The following ATP8B1 variants were observed in gnomAD, a reference collection of about 807,000 sequenced individuals.
ATP8B1 encodes the protein phospholipid-transporting ATPase IC.
In ATP8B1, 80 loss-of-function variants were observed where a neutral mutation model predicts 149.9. The observed-to-expected ratio is 0.53, with a 90% CI of 0.45 to 0.64. The LOEUF (loss-of-function observed/expected upper bound fraction) is 0.64, where lower values mean the gene tolerates loss of function less well. ATP8B1 is among the 30% of genes least tolerant of loss of function. ATP8B1 has a pLI of 0.00. For synonymous variants in ATP8B1, 536 were observed against 562.8 expected (o/e 0.95, Z 0.67); for missense variants, 1,247 against 1,552.6 (o/e 0.80, Z 3.31).
chr18:57,670,355 C>CT (rs370444079), intron 17 of ATP8B1, among the ~76,000 whole-genome samples: 25,034 of 139,628 alleles, frequency 0.18, 2,386 homozygotes, highest in Non-Finnish European at 0.22. Flanking sequence ...TTTTCTTTTT[C>CT]TTTTTTTTTT....
intron 1 of ATP8B1, among the ~76,000 whole-genome samples, chr18:57,737,406 G>A (rs550160277): frequency 2.0e-3 from 299 of 151,824 alleles, no homozygotes; most frequent in African/African-American, 7.0e-3. Flanking sequence ...CCTGAGACAT[G>A]GTTTCACTCT....
intron 14 of ATP8B1, 84 bp from the exon 15 acceptor site, chr18:57,684,276 A>C: frequency 6.9e-7 from 1 of 1,441,826 alleles, no homozygotes. Flanking sequence ...TTCAAAGGCA[A>C]GGTTTCAATT....
intron 2 of ATP8B1, among the ~76,000 whole-genome samples, chr18:57,718,367 A>C (rs2077084095): frequency 6.6e-6 from 1 of 152,190 alleles, no homozygotes; most frequent in South Asian, 2.1e-4. Flanking sequence ...GCCATAATAA[A>C]AAGTCTCTCA....
intron 1 of ATP8B1, among the ~76,000 whole-genome samples, chr18:57,734,977 A>C (rs2079832239): frequency 6.6e-6 from 1 of 152,192 alleles, no homozygotes; most frequent in Admixed American, 6.5e-5. Context: ...CAAAAACAGG[A>C]GGTAAAGAAA....
chr18:57,746,205 T>A (rs9955185), intron 1 of ATP8B1, among the ~76,000 whole-genome samples: 12,042 of 152,234 alleles, frequency 0.079, 752 homozygotes, highest in East Asian at 0.23. Flanking sequence ...ATAATAGCTA[T>A]CCACTCCCTA....
In ATP8B1 at chr18:57,737,615, A is replaced by G. The variant is rs1211336304; in HGVS notation, c.-25-5783T>C. Reference sequence around the variant, plus strand: ...GAGATAGGCTCTCCCTATGTTCCTCAGGCTGGTCTCAAACTCCGGGCCCCA... The same window carrying G: ...GAGATAGGCTCTCCCTATGTTCCTCGGGCTGGTCTCAAACTCCGGGCCCCA... On this transcript the variant is annotated intron_variant, in intron 1 of 27. Transcript: ENST00000648908. 3 of 149,510 alleles carry G rather than the reference A, an allele frequency of 2.0e-5. No individual in the cohort carries two copies. The Admixed American group carries it at 2.0e-4, about 10-fold the overall frequency. 9.3% of individuals were successfully genotyped at this position (149,510 alleles called of 1,614,324 possible). A position where few individuals can be genotyped will look rare whatever the true frequency, so the allele number is the denominator to read the frequency against.
At chr18:57,709,931 C>T (rs144390856) in intron 2 of ATP8B1, among the ~76,000 whole-genome samples, 22,961 of 151,886 alleles carry the variant, frequency 0.15, 1,887 homozygotes, top group Non-Finnish European at 0.18. Context: ...CCACCTGCCT[C>T]GACCTCCCAA....
chr18:57,740,234 G>A (rs2123203490), intron 1 of ATP8B1, among the ~76,000 whole-genome samples: 1 of 151,970 alleles, frequency 6.6e-6, no homozygotes, highest in Non-Finnish European at 1.5e-5. Flanking sequence ...GAGATTACAG[G>A]TGTAAGCCAC....
chr18:57,650,799 C>T (rs929214929), intron 26 of ATP8B1, among the ~76,000 whole-genome samples: 4 of 151,824 alleles, frequency 2.6e-5, no homozygotes, highest in South Asian at 2.1e-4. Flanking sequence ...ATTGTGCCAC[C>T]GCACTCCAGC....
chr18:57,651,721 G>A (rs748778998), intron 26 of ATP8B1, among the ~76,000 whole-genome samples: 2 of 151,506 alleles, frequency 1.3e-5, no homozygotes, highest in South Asian at 4.2e-4. Flanking sequence ...TAGCCTCAAC[G>A]TCCCAGGTCA....
chr18:57,677,482 A>AG (rs140462371), intron 15 of ATP8B1, among the ~76,000 whole-genome samples: 14 of 60,820 alleles, frequency 2.3e-4, no homozygotes, highest in Non-Finnish European at 2.2e-4. Context: ...TGAAGGCCAC[A>AG]GATGCATGAG....
intron 1 of ATP8B1, among the ~76,000 whole-genome samples, chr18:57,764,058 TTA>T (rs2123341362): frequency 6.6e-6 from 1 of 152,350 alleles, no homozygotes; most frequent in Admixed American, 6.5e-5. Context: ...TTTCCACTTA[TTA>T]TAATACTTTA....
intron 22 of ATP8B1, among the ~76,000 whole-genome samples, chr18:57,657,017 C>T (rs562985324): frequency 6.6e-6 from 1 of 152,002 alleles, no homozygotes; most frequent in South Asian, 2.1e-4. Flanking sequence ...TACAGGATAC[C>T]TGTGCAGAAC....
In ATP8B1 at chr18:57,684,180, T is replaced by C. The variant is rs781776773; in HGVS notation, c.1486A>G (p.Ser496Gly). 1.2e-5 allele frequency: 19 copies of C among 1,613,914 alleles called. No homozygotes were observed. The highest frequency in any genetic ancestry group is 1.5e-5 in the Non-Finnish European group (18 of 1,179,844). ...NHNKIEQVDF[S>G]WNTYADGKLA... ...TTCCCATCAGCATATGTATTCCAGC[T>C]AAAATCAACTTGCTGAAAGAAATGG... Residue 496 changes from serine to glycine, a missense_variant, in exon 15 of 28, where the codon AGC (serine) becomes GGC (glycine). Around this residue, in one of 3 missense-constraint regions of ATP8B1, gnomAD observed 853 missense variants for 1,035.7 expected, o/e 0.82. Transcript: ENST00000648908.
intron 15 of ATP8B1, among the ~76,000 whole-genome samples, chr18:57,679,589 C>A (rs1402735190): frequency 6.6e-6 from 1 of 152,190 alleles, no homozygotes; most frequent in Non-Finnish European, 1.5e-5. Context: ...CAACCTGATT[C>A]CCTAGCTTCA....
At chr18:57,684,907 G>T (rs925633826) in intron 14 of ATP8B1, among the ~76,000 whole-genome samples, 165 bp downstream of exon 14, 2 of 152,162 alleles carry the variant, frequency 1.3e-5, no homozygotes, top group African/African-American at 4.8e-5. Flanking sequence ...ACAGAGTTGT[G>T]TTTCCAAGTC....
chr18:57,678,988 T>G (rs1911778937), intron 15 of ATP8B1, among the ~76,000 whole-genome samples: 1 of 118,556 alleles, frequency 8.4e-6, no homozygotes, highest in African/African-American at 3.2e-5. Flanking sequence ...TCCAAGCAAT[T>G]GACCCGACTT....
At chr18:57,662,090 C>A (rs536664332) in intron 21 of ATP8B1, among the ~76,000 whole-genome samples, 1 of 152,162 alleles carries the variant, frequency 6.6e-6, no homozygotes, top group Non-Finnish European at 1.5e-5. Context: ...TATTCATTCA[C>A]AAGTGTGATC....
intron 14 of ATP8B1, 60 bp from the exon 15 acceptor site, chr18:57,684,252 G>T: frequency 2.0e-6 from 3 of 1,529,460 alleles, no homozygotes; most frequent in South Asian, 2.4e-5. Context: ...CTTAACAAAT[G>T]ACATGAACTT....
Sources: gnomAD v4.1 joint callset for allele counts (sites outside exome capture counted in the v4.1 genomes callset) on GRCh38, gnomAD v4.1.1 for gene constraint, gnomAD v4.1.1 regional missense constraint, MANE v1.5 for transcripts, NCBI Gene and HGNC (gene_info 2026-07-23, HGNC 2026-07-21) for gene names.